Variants in TCF7L1 observed in about 807,000 individuals in gnomAD.
TCF7L1 encodes the protein transcription factor 7 like 1.
Under a neutral mutation model 63.7 loss-of-function variants are expected in TCF7L1, and 18 were observed. The ratio of observed to expected loss-of-function variants is 0.28; its 90% CI spans 0.20 to 0.42. TCF7L1 has a LOEUF of 0.42. Among genes scored for constraint, TCF7L1 ranks in the 10% least tolerant of loss-of-function variants. The pLI, the probability that TCF7L1 is intolerant of heterozygous loss-of-function variation, is 1.00. For synonymous variants in TCF7L1, 355 were observed against 340.9 expected (o/e 1.04, Z -0.46); for missense variants, 654 against 779.3 (o/e 0.84, Z 1.91).
chr2:85,270,741 G>A (rs1681131288), intron 3 of TCF7L1, among the ~76,000 whole-genome samples: 1 of 152,134 alleles, frequency 6.6e-6, no homozygotes, highest in African/African-American at 2.4e-5. Flanking sequence ...CCAGGCTGGA[G>A]TGCAGTGGCG....
At chr2:85,199,722 A>T (rs1679231462) in intron 3 of TCF7L1, among the ~76,000 whole-genome samples, 2 of 152,176 alleles carry the variant, frequency 1.3e-5, no homozygotes, top group Non-Finnish European at 2.9e-5. Flanking sequence ...ATTATACAAG[A>T]TAATTTTTTT....
intron 3 of TCF7L1, among the ~76,000 whole-genome samples, chr2:85,162,326 T>TA (rs1282884543): frequency 2.6e-5 from 4 of 152,134 alleles, no homozygotes; most frequent in African/African-American, 7.2e-5. Context: ...CCCTGGAACA[T>TA]ACATTTATTC....
At chr2:85,241,867 A>G (rs933049658) in intron 3 of TCF7L1, among the ~76,000 whole-genome samples, 1 of 152,226 alleles carries the variant, frequency 6.6e-6, no homozygotes, top group Admixed American at 6.5e-5. Context: ...GTTTATTTTT[A>G]GTATTTTAAC....
intron 3 of TCF7L1, among the ~76,000 whole-genome samples, chr2:85,223,640 C>G (rs1047638702): frequency 3.3e-5 from 5 of 152,048 alleles, no homozygotes; most frequent in African/African-American, 1.2e-4. Context: ...CAAAAAGTAC[C>G]CAAAAGCAAC....
At chr2:85,256,835 T>C (rs900813156) in intron 3 of TCF7L1, among the ~76,000 whole-genome samples, 2 of 151,824 alleles carry the variant, frequency 1.3e-5, no homozygotes, top group African/African-American at 2.4e-5. Flanking sequence ...ATACAAAAAT[T>C]AGCCGGGTGT....
intron 3 of TCF7L1, among the ~76,000 whole-genome samples, chr2:85,255,112 AAG>A: frequency 6.6e-6 from 1 of 152,266 alleles, no homozygotes; most frequent in Non-Finnish European, 1.5e-5. Flanking sequence ...AGATGGCCTC[AAG>A]AGTGTGTCTT....
chr2:85,264,641 C>G, intron 3 of TCF7L1, among the ~76,000 whole-genome samples: 1 of 152,142 alleles, frequency 6.6e-6, no homozygotes, highest in Non-Finnish European at 1.5e-5. Context: ...CTAGGTCAGT[C>G]AGGAAGTGAC....
chr2:85,155,210 G>A (rs1186276580), intron 3 of TCF7L1, among the ~76,000 whole-genome samples: 7 of 152,088 alleles, frequency 4.6e-5, no homozygotes, highest in Non-Finnish European at 8.8e-5. Flanking sequence ...TCTGTCTTAC[G>A]AGAGGTTTGT....
At chr2:85,269,799 T>C (rs1261269414) in intron 3 of TCF7L1, among the ~76,000 whole-genome samples, 1 of 152,218 alleles carries the variant, frequency 6.6e-6, no homozygotes, top group East Asian at 1.9e-4. Context: ...ATCGTGTTGT[T>C]CCCTGAGATA....
intron 3 of TCF7L1, among the ~76,000 whole-genome samples, chr2:85,148,623 A>G (rs1244764559): frequency 6.6e-6 from 1 of 152,192 alleles, no homozygotes; most frequent in African/African-American, 2.4e-5. Flanking sequence ...GAAATGAAAT[A>G]TCAGCATCAT....
intron 3 of TCF7L1, among the ~76,000 whole-genome samples, chr2:85,260,676 G>A (rs753667341): frequency 6.6e-5 from 10 of 151,832 alleles, no homozygotes; most frequent in South Asian, 2.1e-4. Context: ...GACCTTGTAC[G>A]TGAGGCCTGG....
At chr2:85,283,904 A>G (rs887275729) in intron 4 of TCF7L1, among the ~76,000 whole-genome samples, 2 of 152,250 alleles carry the variant, frequency 1.3e-5, no homozygotes, top group African/African-American at 2.4e-5. Context: ...CACGTGGGCA[A>G]GGGTGGCTTC....
At chr2:85,304,136 T>C in intron 6 of TCF7L1, 119 bp from the exon 7 acceptor site, 1 of 1,256,014 alleles carries the variant, frequency 8.0e-7, no homozygotes, top group South Asian at 1.3e-5. Flanking sequence ...CCAGGCAGCG[T>C]GCTCCCAGCA....
At chr2:85,265,595 C>T (rs1017528093) in intron 3 of TCF7L1, among the ~76,000 whole-genome samples, 6 of 152,120 alleles carry the variant, frequency 3.9e-5, no homozygotes, top group East Asian at 1.9e-4. Flanking sequence ...CTGGCCCCAG[C>T]GTATGTTGCC....
At chr2:85,291,849 GT>G (rs1681724148) in intron 4 of TCF7L1, among the ~76,000 whole-genome samples, 1 of 152,106 alleles carries the variant, frequency 6.6e-6, no homozygotes, top group Non-Finnish European at 1.5e-5. Flanking sequence ...AGGACTACAG[GT>G]GTGCACCACC....
chr2:85,309,547 C>A lies in TCF7L1; in HGVS notation c.*85C>A. ...AAAAGAAAAAGGAGACTTTATTGGTCAATATTTGACCACTCTGGACTGTTC... is the reference window on the plus strand; with the variant it reads ...AAAAGAAAAAGGAGACTTTATTGGTAAATATTTGACCACTCTGGACTGTTC... On this transcript the variant is annotated 3_prime_UTR_variant, in exon 12 of 12. Coordinates refer to ENST00000282111, the MANE Select transcript of TCF7L1 (RefSeq NM_031283.3). 1 of 1,407,478 alleles carries A rather than the reference C, an allele frequency of 7.1e-7. No individual in the cohort carries two copies. The highest frequency in any genetic ancestry group is 1.4e-5 in the South Asian group (1 of 69,532). 87.2% of individuals were successfully genotyped at this position (1,407,478 alleles called of 1,614,324 possible). A position where few individuals can be genotyped will look rare whatever the true frequency, so the allele number is the denominator to read the frequency against.
chr2:85,302,574 T>TACCCAAACC lies in TCF7L1; in HGVS notation c.616_617insACCCAAACC (p.Ser206delinsTyrProAsnPro). The TACCCAAACC allele has an allele frequency of 6.2e-7, 1 of 1,611,530 alleles. No individual in the cohort carries two copies. The highest frequency in any genetic ancestry group is 8.5e-7 in the Non-Finnish European group (1 of 1,178,202). On this transcript the variant is annotated protein_altering_variant, in exon 5 of 12. Transcript: ENST00000282111. ...CAGCAATGACCACTTCTCCCCCGGC[T>TACCCAAACC]CCCCTCCCACCCACCTCTCCCCAGA...
chr2:85,166,098 C>T (rs1678411258), intron 3 of TCF7L1, among the ~76,000 whole-genome samples: 1 of 152,196 alleles, frequency 6.6e-6, no homozygotes, highest in Non-Finnish European at 1.5e-5. Flanking sequence ...GTTAAATTGT[C>T]CTTTAGCCTC....
chr2:85,240,798 A>G (rs1484217742), intron 3 of TCF7L1, among the ~76,000 whole-genome samples: 2 of 149,632 alleles, frequency 1.3e-5, no homozygotes, highest in Non-Finnish European at 3.0e-5. Flanking sequence ...AAAAAAAATC[A>G]GTTGCCTGAA....
Sources: allele counts gnomAD v4.1 joint callset (sites outside exome capture counted in the v4.1 genomes callset), GRCh38; gene constraint gnomAD v4.1.1; transcripts MANE v1.5; gene names NCBI Gene and HGNC (gene_info 2026-07-23, HGNC 2026-07-21).